ENTPD7: variants seen among roughly 807,000 people sequenced by gnomAD.
ENTPD7 encodes the protein NTPDase 7.
In ENTPD7, 53 loss-of-function variants were observed where a neutral mutation model predicts 77.9. The observed-to-expected ratio is 0.68, with a 90% CI of 0.55 to 0.85. ENTPD7 has a LOEUF of 0.85. Ranked by LOEUF, ENTPD7 falls within the 40% of genes least tolerant of loss-of-function variation. The pLI is 0.00. For synonymous variants in ENTPD7, 248 were observed against 274.9 expected (o/e 0.90, Z 0.97); for missense variants, 636 against 743.7 (o/e 0.86, Z 1.68).
chr10:99,691,644 G>C (rs1045722254), intron 8 of ENTPD7, 126 bp downstream of exon 8: 1 of 997,688 alleles, frequency 1.0e-6, no homozygotes, highest in African/African-American at 1.6e-5. Flanking sequence ...GCTAGCTTGC[G>C]TTATCTTGAG....
chr10:99,687,255 C>CTTTTTTTT (rs1564631976), intron 6 of ENTPD7, among the ~76,000 whole-genome samples: 3 of 25,554 alleles, frequency 1.2e-4, no homozygotes, highest in East Asian at 7.6e-4. Flanking sequence ...TTCTTTCTTT[C>CTTTTTTTT]TTTCTTTTTT....
chr10:99,700,393 CGT>C lies in ENTPD7; in HGVS notation c.1336-561_1336-560del, dbSNP rs1274032554. Among the ~76,000 whole-genome samples, 3 of 103,618 alleles carry C rather than the reference CGT, an allele frequency of 2.9e-5. No individual in the cohort carries two copies. The East Asian group carries it at 8.9e-4, about 31-fold the overall frequency. 68.0% of individuals were successfully genotyped at this position (103,618 alleles called of 152,430 possible). On this transcript the variant is annotated intron_variant, in intron 10 of 12. Transcript: ENST00000370489. ...TGAGCATTTATGTTATCCAACGTAC[CGT>C]GTGTGTGTGTGTGTGTGTATGTGTG...
intron 3 of ENTPD7, among the ~76,000 whole-genome samples, chr10:99,678,633 G>A (rs1002681288): frequency 1.4e-5 from 2 of 146,702 alleles, no homozygotes; most frequent in African/African-American, 2.5e-5. Context: ...CCACCCAGGC[G>A]AGGTGCAGTG....
chr10:99,702,460 G>T, intron 11 of ENTPD7, 52 bp from the exon 12 acceptor site: 1 of 1,460,310 alleles, frequency 6.8e-7, no homozygotes, highest in South Asian at 1.4e-5. Flanking sequence ...GCAAAGGAAA[G>T]TATTAGAATT....
rs200492698 is a variant in ENTPD7 at position 99,696,080 on chromosome 10, G to A, written c.968G>A (p.Arg323His). ...TTCGGAGGCAACTTTGCCCGGCAGC[G>A]CTACGAAGACCTTGTTCTGAATGAA... The part of the protein sequence containing the change: ...LGFGGNFARQ[R>H]YEDLVLNETL... The change falls in exon 9 of 13, where the codon CGC becomes CAC. Residue 323 changes from arginine (R) to histidine (H), a missense_variant. By Grantham distance (29) the Arg-to-His change is conservative. Transcript: ENST00000370489. The A allele has an allele frequency of 2.9e-5, 47 of 1,614,044 alleles. No individual in the cohort carries two copies. The highest frequency in any genetic ancestry group is 1.6e-4 in the Middle Eastern group (1 of 6,084).
chr10:99,681,883 G>A (rs1024405744), intron 5 of ENTPD7, among the ~76,000 whole-genome samples: 1 of 152,268 alleles, frequency 6.6e-6, no homozygotes, highest in Non-Finnish European at 1.5e-5. Flanking sequence ...TGGGTTAATA[G>A]GATTTTTGCT....
rs552505959 is a variant in ENTPD7, at chr10:99,668,094, C to T, written c.191+6466C>T. On this transcript the variant is annotated intron_variant, in intron 3 of 12. Coordinates refer to ENST00000370489, the MANE Select transcript of ENTPD7 (RefSeq NM_020354.5). ...GGATTACAGGTGCGCACCACCATGC[C>T]CGGCTAATTTTTGTATTTTTAGTAG... is the stretch of plus-strand genomic sequence containing the variant. Among the ~76,000 whole-genome samples the T allele has an allele frequency of 1.8e-3, 268 of 151,780 alleles. 1 individual carries two copies. The highest frequency in any genetic ancestry group is 6.3e-3 in the African/African-American group (262 of 41,406).
At chr10:99,669,131 G>A (rs756688025) in intron 3 of ENTPD7, among the ~76,000 whole-genome samples, 12 of 151,158 alleles carry the variant, frequency 7.9e-5, no homozygotes, top group Non-Finnish European at 1.8e-4. Context: ...ACCTGCCTTG[G>A]CCTCGCAAAG....
At chr10:99,686,715 G>A (rs1035120834) in intron 6 of ENTPD7, among the ~76,000 whole-genome samples, 3 of 151,836 alleles carry the variant, frequency 2.0e-5, no homozygotes, top group Admixed American at 1.3e-4. Flanking sequence ...CTCAGAGTTG[G>A]CATCTTTTGA....
At chr10:99,698,930 T>C (rs1313149762) in intron 10 of ENTPD7, 72 bp downstream of exon 10, 4 of 1,426,124 alleles carry the variant, frequency 2.8e-6, no homozygotes, top group Non-Finnish European at 3.8e-6. Flanking sequence ...CTGTGCCAGG[T>C]GCTGTGCAAA....
chr10:99,684,660 A>G (rs1024244544), intron 5 of ENTPD7, among the ~76,000 whole-genome samples: 1 of 152,224 alleles, frequency 6.6e-6, no homozygotes, highest in Non-Finnish European at 1.5e-5. Flanking sequence ...GAGCCAGCAG[A>G]ATATTTTTGT....
intron 6 of ENTPD7, among the ~76,000 whole-genome samples, chr10:99,686,916 CTTTTTTT>C (rs11325544): frequency 1.0e-5 from 1 of 98,098 alleles, no homozygotes; most frequent in Non-Finnish European, 2.2e-5. Context: ...GGCTGTGAAT[CTTTTTTT>C]TTTTTTTTTT....
rs1451950847 is a variant in ENTPD7, at chr10:99,704,513, T to C, written c.1645T>C (p.Tyr549His). 3 of 1,614,128 alleles carry C rather than the reference T, an allele frequency of 1.9e-6. No homozygotes were observed. Among genetic ancestry groups the C allele is most frequent in the Admixed American group, 3.3e-5 (2 of 60,010 alleles). ...TAGCTGGTTCCGTCTCTCCTTTGTA[T>C]ACAACCACTATCTCTTCTTTGCCTG... ...HGSWFRLSFV[Y>H]NHYLFFACIL... Residue 549 changes from tyrosine (Y) to histidine (H), a missense_variant, in exon 13 of 13, where the codon TAC becomes CAC. This residue lies in a region of ENTPD7 where 138 missense variants were observed against 150.9 expected (regional missense o/e 0.91). Coordinates refer to ENST00000370489, the MANE Select transcript of ENTPD7 (RefSeq NM_020354.5).
At chr10:99,703,374 T>C (rs1590066079) in intron 12 of ENTPD7, among the ~76,000 whole-genome samples, 2 of 152,140 alleles carry the variant, frequency 1.3e-5, no homozygotes, top group Admixed American at 1.3e-4. Flanking sequence ...TAGGTGGGGG[T>C]TGCCCACAAC....
In ENTPD7 at chr10:99,685,835, C is replaced by T; in HGVS notation, c.592C>T (p.Leu198=). The T allele has an allele frequency of 6.2e-7, 1 of 1,613,924 alleles. No individual in the cohort carries two copies. Among genetic ancestry groups the T allele is most frequent in the Non-Finnish European group, 8.5e-7 (1 of 1,179,952 alleles). ...GGCTGACCTAGTGAAAGATTTACCACTGGAGTTTGACTTCCTCTTTTCACA... is the reference window on the plus strand; with the variant it reads ...GGCTGACCTAGTGAAAGATTTACCATTGGAGTTTGACTTCCTCTTTTCACA... ...ILADLVKDLP[L]EFDFLFSQSQ... The change falls in exon 6 of 13, where the codon CTG becomes TTG. Residue 198 remains leucine, a synonymous_variant. Coordinates refer to ENST00000370489, the MANE Select transcript of ENTPD7 (RefSeq NM_020354.5).
intron 3 of ENTPD7, among the ~76,000 whole-genome samples, chr10:99,662,009 T>C (rs1216999442): frequency 1.3e-5 from 2 of 152,240 alleles, no homozygotes; most frequent in African/African-American, 4.8e-5. Flanking sequence ...CAACTTTCTT[T>C]TGATTAACAT....
chr10:99,662,413 T>A (rs369501014), intron 3 of ENTPD7, among the ~76,000 whole-genome samples: 2 of 152,194 alleles, frequency 1.3e-5, no homozygotes, highest in African/African-American at 4.8e-5. Context: ...ATATTACTCC[T>A]CTTCACATCT....
chr10:99,699,388 AAT>A (rs1273572256), intron 10 of ENTPD7, among the ~76,000 whole-genome samples: 1 of 152,162 alleles, frequency 6.6e-6, no homozygotes, highest in East Asian at 1.9e-4. Flanking sequence ...GAGGAGTAAA[AAT>A]TCACTCTGAG....
chr10:99,708,741 A>G lies in ENTPD7; in HGVS notation c.*4058A>G. On this transcript the variant is annotated 3_prime_UTR_variant, in exon 13 of 13. Transcript: ENST00000370489. ...CAGAAGAGTTTTAAAGCTTCTGGTC[A>G]ACCCCCTTGATTTATATGGGTGATA... The G allele has an allele frequency of 2.6e-6, 2 of 759,100 alleles. No homozygotes were observed. Among genetic ancestry groups the G allele is most frequent in the Non-Finnish European group, 3.2e-6 (2 of 623,312 alleles). 47.0% of individuals were successfully genotyped at this position (759,100 alleles called of 1,614,324 possible).
Sources: gnomAD v4.1 joint callset for allele counts (sites outside exome capture counted in the v4.1 genomes callset) on GRCh38, gnomAD v4.1.1 for gene constraint, gnomAD v4.1.1 regional missense constraint, MANE v1.5 for transcripts, NCBI Gene and HGNC (gene_info 2026-07-23, HGNC 2026-07-21) for gene names.